TYW1: variants seen among roughly 807,000 people sequenced by gnomAD.
The protein encoded by TYW1 is tRNA-yW synthesizing protein 1 homolog, also known as S-adenosyl-L-methionine-dependent tRNA 4-demethylwyosine synthase TYW1.
TYW1 carries 46 observed loss-of-function variants against 96.2 expected under a neutral mutation model. The ratio of observed to expected loss-of-function variants is 0.48; its 90% CI spans 0.38 to 0.61. TYW1 has a LOEUF of 0.61. Ranked by LOEUF, TYW1 falls within the 20% of genes least tolerant of loss-of-function variation. The pLI is 0.00. For synonymous variants in TYW1, 274 were observed against 323.0 expected, an observed-to-expected ratio of 0.85 and a Z score of 1.63; for missense variants, 684 against 909.6, an observed-to-expected ratio of 0.75 and a Z score of 3.19.
intron 7 of TYW1, among the ~76,000 whole-genome samples, chr7:67,040,817 C>A (rs1356228760): frequency 2.0e-5 from 3 of 151,726 alleles, no homozygotes; most frequent in African/African-American, 7.3e-5. Flanking sequence ...GCACTCCAGC[C>A]TGGGTGACAG....
intron 10 of TYW1, among the ~76,000 whole-genome samples, chr7:67,078,210 C>T (rs867149335): frequency 1.2e-4 from 19 of 152,090 alleles, no homozygotes; most frequent in African/African-American, 4.3e-4. Context: ...ATTCTCCTGC[C>T]TCAGCCTCCC....
intron 13 of TYW1, among the ~76,000 whole-genome samples, chr7:67,129,423 A>G (rs572394094): frequency 2.0e-5 from 3 of 152,256 alleles, no homozygotes; most frequent in South Asian, 2.1e-4. Flanking sequence ...ACTTGTCCAC[A>G]CTGAGCCTCC....
intron 15 of TYW1, among the ~76,000 whole-genome samples, chr7:67,236,368 A>C (rs1350189723): frequency 4.6e-5 from 7 of 152,248 alleles, no homozygotes. Context: ...ATTGGCTGGA[A>C]GACAGTGGCT....
intron 13 of TYW1, among the ~76,000 whole-genome samples, chr7:67,118,135 G>C (rs1165694080): frequency 6.6e-6 from 1 of 152,098 alleles, no homozygotes; most frequent in Non-Finnish European, 1.5e-5. Context: ...GACCAGCCTG[G>C]CCAACATGGT....
intron 8 of TYW1, among the ~76,000 whole-genome samples, chr7:67,055,134 C>A (rs574494624): frequency 9.2e-5 from 14 of 152,176 alleles, no homozygotes; most frequent in African/African-American, 3.4e-4. Context: ...TTTCACTGGT[C>A]CATGAAAGAA....
At chr7:67,227,209 A>T (rs1296303897) in intron 15 of TYW1, among the ~76,000 whole-genome samples, 1 of 152,096 alleles carries the variant, frequency 6.6e-6, no homozygotes, top group Middle Eastern at 3.2e-3. Flanking sequence ...GCCTGATAAG[A>T]GTACCTTTGT....
chr7:67,140,211 C>CA (rs1470020836), intron 13 of TYW1, among the ~76,000 whole-genome samples: 6 of 143,748 alleles, frequency 4.2e-5, no homozygotes, highest in African/African-American at 1.6e-4. Flanking sequence ...CAGGTCCCCC[C>CA]ACAACATGTG....
At chr7:67,061,656 G>A (rs1383322097) in intron 9 of TYW1, among the ~76,000 whole-genome samples, 1 of 152,132 alleles carries the variant, frequency 6.6e-6, no homozygotes, top group Non-Finnish European at 1.5e-5. Flanking sequence ...GTATATAACC[G>A]ATGTTTATAT....
rs577470858 is a variant in TYW1 at position 67,067,433 on chromosome 7, G to A, written c.1274+30G>A. The A allele has an allele frequency of 9.4e-5, 152 of 1,612,258 alleles. No individual in the cohort carries two copies. In the South Asian group the frequency reaches 1.4e-3, roughly 15 times the overall value. On this transcript the variant is annotated intron_variant, in intron 10 of 15. Coordinates refer to ENST00000359626, the MANE Select transcript of TYW1 (RefSeq NM_018264.4). ...GTAAAAATGAAAGGTCATGGTGATC[G>A]AATATGTAATGAGCTGTGGTAATCA...
At chr7:67,001,661 C>T (rs1793395590) in intron 3 of TYW1, among the ~76,000 whole-genome samples, 2 of 151,600 alleles carry the variant, frequency 1.3e-5, no homozygotes, top group African/African-American at 4.8e-5. Context: ...ACCTCATGAT[C>T]TGCCCACCTT....
At chr7:67,117,378 G>A (rs1797626935) in intron 12 of TYW1, 105 bp from the exon 13 acceptor site, 1 of 1,313,044 alleles carries the variant, frequency 7.6e-7, no homozygotes. Flanking sequence ...TAGACCCAGT[G>A]AAGTGTTTAA....
At chr7:67,211,156 G>A (rs1179774330) in intron 15 of TYW1, among the ~76,000 whole-genome samples, 4 of 55,038 alleles carry the variant, frequency 7.3e-5, no homozygotes, top group Non-Finnish European at 1.1e-4. Flanking sequence ...AACATTGTGT[G>A]TGTGTGTGTG....
chr7:67,224,287 G>A (rs1380384284), intron 15 of TYW1, among the ~76,000 whole-genome samples: 2 of 152,132 alleles, frequency 1.3e-5, no homozygotes, highest in African/African-American at 2.4e-5. Flanking sequence ...ACCACCACAC[G>A]TGGCTAATTT....
chr7:67,029,371 A>ATGTG (rs1298322813), intron 7 of TYW1, among the ~76,000 whole-genome samples: 2 of 134,388 alleles, frequency 1.5e-5, no homozygotes, highest in East Asian at 2.0e-4. Context: ...TTAGTTAAAT[A>ATGTG]TGTGTGTGTG....
chr7:67,113,012 C>T (rs1282705352), intron 12 of TYW1, among the ~76,000 whole-genome samples: 3 of 152,164 alleles, frequency 2.0e-5, no homozygotes, highest in Non-Finnish European at 4.4e-5. Context: ...GTTTGTGATT[C>T]CTTTATCCTG....
intron 13 of TYW1, among the ~76,000 whole-genome samples, chr7:67,151,042 A>ATTATTC (rs1798781785): frequency 6.8e-6 from 1 of 147,424 alleles, no homozygotes; most frequent in South Asian, 2.1e-4. Context: ...CTGCCATTAT[A>ATTATTC]TTCTTCTTCT....
At chr7:67,169,679 G>A (rs10272347) in intron 13 of TYW1, among the ~76,000 whole-genome samples, 42,820 of 152,196 alleles carry the variant, frequency 0.28, 6,545 homozygotes, top group African/African-American at 0.4. Context: ...GATTACAGGC[G>A]TGAGCCACTG....
At chr7:67,074,697 TC>T (rs1796149203) in intron 10 of TYW1, among the ~76,000 whole-genome samples, 1 of 152,258 alleles carries the variant, frequency 6.6e-6, no homozygotes, top group East Asian at 1.9e-4. Flanking sequence ...TTTATTATTG[TC>T]CTTTTCTTGC....
intron 13 of TYW1, among the ~76,000 whole-genome samples, chr7:67,153,764 G>A (rs9690145): frequency 0.26 from 39,504 of 151,994 alleles, 5,621 homozygotes; most frequent in African/African-American, 0.38. Flanking sequence ...TTTTTAAAGT[G>A]CAAATTGAAT....
Sources: allele counts gnomAD v4.1 joint callset (sites outside exome capture counted in the v4.1 genomes callset), GRCh38; gene constraint gnomAD v4.1.1; transcripts MANE v1.5; gene names NCBI Gene and HGNC (gene_info 2026-07-23, HGNC 2026-07-21).